PTPRG: variants seen among roughly 807,000 people sequenced by gnomAD.
PTPRG encodes protein tyrosine phosphatase receptor type G.
A neutral mutation model predicts 165.3 loss-of-function variants in PTPRG; 102 were observed. That is an observed-to-expected ratio of 0.62 (90% CI 0.53 to 0.73). PTPRG has a LOEUF of 0.73. PTPRG is among the 30% of genes least tolerant of loss of function. The pLI, the probability that PTPRG is intolerant of heterozygous loss-of-function variation, is 0.00. For missense variants in PTPRG, 1,866 were observed against 1,861.4 expected (o/e 1.00, Z -0.05); for synonymous variants, 675 against 669.5 (o/e 1.01, Z -0.13).
intron 8 of PTPRG, among the ~76,000 whole-genome samples, chr3:62,169,489 T>G (rs1705136599): frequency 6.6e-6 from 1 of 152,094 alleles, no homozygotes. Context: ...TACTTGCTCA[T>G]GTGAAATGAA....
chr3:61,923,359 T>C (rs899598004), intron 2 of PTPRG, among the ~76,000 whole-genome samples: 5 of 152,190 alleles, frequency 3.3e-5, no homozygotes, highest in Non-Finnish European at 7.4e-5. Flanking sequence ...ACTTGCTCCG[T>C]GAAATCGCCA....
chr3:61,833,433 T>C (rs2036366154), intron 2 of PTPRG, among the ~76,000 whole-genome samples: 1 of 152,164 alleles, frequency 6.6e-6, no homozygotes, highest in South Asian at 2.1e-4. Context: ...GGGTGGTGTT[T>C]GTGACAATTC....
chr3:62,113,979 T>A (rs1702765104), intron 5 of PTPRG, among the ~76,000 whole-genome samples: 1 of 152,214 alleles, frequency 6.6e-6, no homozygotes, highest in Non-Finnish European at 1.5e-5. Flanking sequence ...TATCCACTTA[T>A]CCACATTATT....
intron 5 of PTPRG, among the ~76,000 whole-genome samples, chr3:62,098,724 A>G (rs1370472875): frequency 6.6e-6 from 1 of 152,158 alleles, no homozygotes; most frequent in African/African-American, 2.4e-5. Context: ...CTTAGGTTTT[A>G]TGAGTGGACA....
chr3:61,685,239 G>A (rs1703585171), intron 1 of PTPRG, among the ~76,000 whole-genome samples: 1 of 152,228 alleles, frequency 6.6e-6, no homozygotes, highest in Admixed American at 6.5e-5. Context: ...AAGGAAACTG[G>A]CCTGTGCAAA....
chr3:61,651,460 T>C (rs1702352987), intron 1 of PTPRG, among the ~76,000 whole-genome samples: 1 of 152,174 alleles, frequency 6.6e-6, no homozygotes, highest in Non-Finnish European at 1.5e-5. Context: ...CTAGTGGTTG[T>C]TTATCCTGAA....
intron 28 of PTPRG, among the ~76,000 whole-genome samples, chr3:62,284,156 T>TA (rs560325933): frequency 5.3e-4 from 80 of 151,900 alleles, no homozygotes; most frequent in Non-Finnish European, 1.0e-3. Context: ...ATTTTGCTGT[T>TA]ACGGTAGTAC....
intron 4 of PTPRG, among the ~76,000 whole-genome samples, chr3:62,025,315 T>G (rs1185696753): frequency 6.6e-6 from 1 of 152,344 alleles, no homozygotes; most frequent in Admixed American, 6.5e-5. Flanking sequence ...GCTTTACATT[T>G]TGCTTTGGTG....
chr3:61,562,179 C>T lies in PTPRG; in HGVS notation c.-109C>T. 1.1e-6 allele frequency: 1 copy of T among 952,290 alleles called. No individual in the cohort carries two copies. The highest frequency in any genetic ancestry group is 1.4e-5 in the South Asian group (1 of 71,244). The allele number at this position is 952,290 out of a possible 1,614,324, so 59.0% of individuals were successfully genotyped here. On this transcript the variant is annotated 5_prime_UTR_variant, in exon 1 of 30. Coordinates refer to ENST00000474889, the MANE Select transcript of PTPRG (RefSeq NM_002841.4). ...CGCCGAGCGCGGGGGGCCCGTGGAGCGGGCGAGCCGGGGAAGCGCCCCGGC... is the reference window on the plus strand; with the variant it reads ...CGCCGAGCGCGGGGGGCCCGTGGAGTGGGCGAGCCGGGGAAGCGCCCCGGC...
At chr3:62,185,105 T>C (rs1049704392) in intron 8 of PTPRG, among the ~76,000 whole-genome samples, 3 of 151,964 alleles carry the variant, frequency 2.0e-5, no homozygotes, top group Admixed American at 6.6e-5. Flanking sequence ...GGACCTTGGG[T>C]GCTCTGCTAG....
At chr3:62,141,543 G>T (rs1157203540) in intron 6 of PTPRG, among the ~76,000 whole-genome samples, 2 of 152,114 alleles carry the variant, frequency 1.3e-5, no homozygotes, top group Non-Finnish European at 2.9e-5. Context: ...GAGGTTTAGT[G>T]AGCCAAGATT....
Position 62,213,045 on chromosome 3 carries a change from C to T in PTPRG, c.2156-5806C>T, listed in dbSNP as rs971950143. Among the ~76,000 whole-genome samples the T allele has an allele frequency of 2.0e-5, 3 of 152,086 alleles. No homozygotes were observed. The highest frequency in any genetic ancestry group is 1.3e-4 in the Admixed American group (2 of 15,272). On this transcript the variant is annotated intron_variant, in intron 12 of 29. Transcript: ENST00000474889. This position sits in a 1 kb window ranked among gnomAD's most constrained non-coding sequence, Gnocchi z 4.4. ...TATCTTGGTGTCACAATTTGGGCAT[C>T]ATGGAGGGAAGCAAACCCCCAGTAA...
intron 2 of PTPRG, among the ~76,000 whole-genome samples, chr3:61,851,368 C>T (rs145539315): frequency 9.2e-5 from 14 of 152,192 alleles, no homozygotes; most frequent in Admixed American, 2.6e-4. Flanking sequence ...TTGAATGGTT[C>T]CTCAAGAGAG....
intron 4 of PTPRG, among the ~76,000 whole-genome samples, chr3:62,007,169 C>A (rs1429984406): frequency 6.6e-6 from 1 of 152,166 alleles, no homozygotes; most frequent in Non-Finnish European, 1.5e-5. Flanking sequence ...GAAGCTGGAT[C>A]TGCTCCCTGA....
At chr3:61,985,601 T>G (rs1363695580) in intron 2 of PTPRG, among the ~76,000 whole-genome samples, 1 of 152,210 alleles carries the variant, frequency 6.6e-6, no homozygotes, top group Admixed American at 6.5e-5. Context: ...CCAAGGGAAC[T>G]GGGGCAGCCC....
intron 1 of PTPRG, among the ~76,000 whole-genome samples, chr3:61,609,262 C>A (rs1701098967): frequency 1.3e-5 from 2 of 152,180 alleles, no homozygotes; most frequent in East Asian, 3.9e-4. Context: ...GTGATGAGCA[C>A]AGTGCCTTTC....
rs187001021 is a variant in PTPRG at position 61,805,969 on chromosome 3, C to T, written c.190+56987C>T. Among the ~76,000 whole-genome samples, 653 of 152,212 alleles carry T rather than the reference C, an allele frequency of 4.3e-3. 9 individuals are homozygous for T. The highest frequency in any genetic ancestry group is 5.7e-3 in the Non-Finnish European group (387 of 68,016). ...TCTATTAAGCTCTCGATCATATTCT[C>T]TCTTTGCCATTTAAGAAAAATACAG... On this transcript the variant is annotated intron_variant, in intron 2 of 29. Transcript: ENST00000474889.
chr3:61,638,426 A>T (rs567445101), intron 1 of PTPRG, among the ~76,000 whole-genome samples: 9 of 151,912 alleles, frequency 5.9e-5, no homozygotes, highest in Non-Finnish European at 1.2e-4. Flanking sequence ...CATAAGGTAA[A>T]CCTAAGGTTT....
intron 4 of PTPRG, among the ~76,000 whole-genome samples, chr3:62,066,827 C>T (rs757475709): frequency 9.9e-5 from 15 of 152,092 alleles, no homozygotes; most frequent in Non-Finnish European, 1.9e-4. Context: ...ATCATGAGGT[C>T]AGGAGATCTA....
Sources: gnomAD v4.1 joint callset for allele counts (sites outside exome capture counted in the v4.1 genomes callset) on GRCh38, gnomAD v4.1.1 for gene constraint, Gnocchi (gnomAD v3.1) non-coding constraint, MANE v1.5 for transcripts, NCBI Gene and HGNC (gene_info 2026-07-23, HGNC 2026-07-21) for gene names.